SH3RF1: variants seen among roughly 807,000 people sequenced by gnomAD.
The protein encoded by SH3RF1 is E3 ubiquitin-protein ligase SH3RF1.
A neutral mutation model predicts 74.0 loss-of-function variants in SH3RF1; 32 were observed. That is an observed-to-expected ratio of 0.43 (90% CI 0.33 to 0.58). The LOEUF (loss-of-function observed/expected upper bound fraction) is 0.58. SH3RF1 is among the 20% of genes least tolerant of loss of function. The pLI is 0.05. For missense variants in SH3RF1, 954 were observed against 1,130.9 expected (o/e 0.84, Z 2.24); for synonymous variants, 396 against 439.6 (o/e 0.90, Z 1.24).
intron 11 of SH3RF1, among the ~76,000 whole-genome samples, chr4:169,106,057 G>A (rs1345086446): frequency 6.6e-6 from 1 of 151,360 alleles, no homozygotes; most frequent in Non-Finnish European, 1.5e-5. Flanking sequence ...GTATATATAT[G>A]TAATGTAAAA....
At position 169,225,732 on chromosome 4, in the gene SH3RF1, T is replaced by C. The variant is rs1561057932; in HGVS notation, c.393+43088A>G. Among the ~76,000 whole-genome samples the C allele has an allele frequency of 2.0e-5, 3 of 152,190 alleles. No individual in the cohort carries two copies. In the South Asian group the frequency reaches 6.2e-4, roughly 32 times the overall value. The stretch of plus-strand genomic sequence containing the variant: ...GAAAGTGATAAAAGTGATGGTAGCT[T>C]GAAGGAGTAGCAGAGTTGAGGGTAG... On this transcript the variant is annotated intron_variant, in intron 2 of 11. Transcript: ENST00000284637.
intron 6 of SH3RF1, among the ~76,000 whole-genome samples, chr4:169,123,761 G>A (rs1415791559): frequency 2.0e-5 from 3 of 152,072 alleles, no homozygotes; most frequent in African/African-American, 7.2e-5. Context: ...GTGTGATGGC[G>A]GGTGCCAGTA....
intron 7 of SH3RF1, among the ~76,000 whole-genome samples, chr4:169,121,683 T>G (rs1264018132): frequency 6.6e-6 from 1 of 152,216 alleles, no homozygotes; most frequent in Non-Finnish European, 1.5e-5. Flanking sequence ...CTGGCTGTAT[T>G]CTGCCATAAA....
chr4:169,250,812 C>CTT (rs145779154), intron 2 of SH3RF1, among the ~76,000 whole-genome samples: 4 of 152,088 alleles, frequency 2.6e-5, no homozygotes, highest in East Asian at 1.9e-4. Flanking sequence ...AGGGGTGGGG[C>CTT]TTTTTTGGAT....
In SH3RF1 at chr4:169,269,238, T is replaced by A. The variant is rs750995291; in HGVS notation, c.-26A>T. ...CTTTATCTACTTTACTGAGAAAAAATCTTCAGAAATGTTCATAGTTGTGTG... is the reference window on the plus strand; with the variant it reads ...CTTTATCTACTTTACTGAGAAAAAAACTTCAGAAATGTTCATAGTTGTGTG... On this transcript the variant is annotated 5_prime_UTR_variant, in exon 2 of 12. Coordinates refer to ENST00000284637, the MANE Select transcript of SH3RF1 (RefSeq NM_020870.4). The A allele has an allele frequency of 5.2e-6, 8 of 1,531,574 alleles. No homozygotes were observed. Among genetic ancestry groups the A allele is most frequent in the Non-Finnish European group, 2.6e-6 (3 of 1,146,992 alleles). 94.9% of individuals were successfully genotyped at this position (1,531,574 alleles called of 1,614,324 possible).
At chr4:169,217,632 A>G (rs1248519339) in intron 2 of SH3RF1, among the ~76,000 whole-genome samples, 1 of 152,164 alleles carries the variant, frequency 6.6e-6, no homozygotes, top group Non-Finnish European at 1.5e-5. Context: ...AAGGCAAAGG[A>G]CTACAAGGTC....
chr4:169,127,971 A>C (rs2126949840), intron 6 of SH3RF1, among the ~76,000 whole-genome samples: 1 of 152,284 alleles, frequency 6.6e-6, no homozygotes, highest in South Asian at 2.1e-4. Context: ...AAAAATCTGA[A>C]ATCCGAAATG....
chr4:169,264,886 G>T (rs1731329064), intron 2 of SH3RF1, among the ~76,000 whole-genome samples: 1 of 152,114 alleles, frequency 6.6e-6, no homozygotes, highest in African/African-American at 2.4e-5. Flanking sequence ...ATCCCTTCCT[G>T]TTTAGGTCAG....
chr4:169,099,457 C>T (rs979972191), intron 11 of SH3RF1, among the ~76,000 whole-genome samples: 2 of 152,174 alleles, frequency 1.3e-5, no homozygotes, highest in Non-Finnish European at 2.9e-5. Flanking sequence ...ATCCAGATGA[C>T]ATTTCTCAAG....
chr4:169,228,987 C>T (rs984465451), intron 2 of SH3RF1, among the ~76,000 whole-genome samples: 14 of 151,966 alleles, frequency 9.2e-5, no homozygotes, highest in African/African-American at 3.4e-4. Context: ...CAGATGGTTC[C>T]AAGAGTGCAA....
chr4:169,101,377 T>C (rs1733028993), intron 11 of SH3RF1, among the ~76,000 whole-genome samples: 1 of 152,128 alleles, frequency 6.6e-6, no homozygotes, highest in Non-Finnish European at 1.5e-5. Flanking sequence ...AGGAAGACTA[T>C]TGCATGATTC....
intron 4 of SH3RF1, among the ~76,000 whole-genome samples, chr4:169,138,507 C>A (rs1166445997): frequency 1.3e-5 from 2 of 152,204 alleles, no homozygotes; most frequent in Non-Finnish European, 2.9e-5. Flanking sequence ...AAGTGCAAAC[C>A]TAATCAGTGT....
intron 2 of SH3RF1, among the ~76,000 whole-genome samples, chr4:169,242,882 A>G (rs943290755): frequency 6.6e-6 from 1 of 152,196 alleles, no homozygotes; most frequent in Admixed American, 6.5e-5. Flanking sequence ...TGAGCCAAAT[A>G]CATTTCTATC....
At chr4:169,164,335 A>G (rs72706464) in intron 2 of SH3RF1, among the ~76,000 whole-genome samples, 12,065 of 152,276 alleles carry the variant, frequency 0.079, 737 homozygotes, top group East Asian at 0.18. Context: ...TTAAGTGGAA[A>G]AAGAACACAT....
intron 2 of SH3RF1, among the ~76,000 whole-genome samples, chr4:169,234,056 C>T (rs1258192474): frequency 4.6e-5 from 7 of 152,070 alleles, no homozygotes; most frequent in Admixed American, 4.6e-4. Flanking sequence ...TCTGTTAACT[C>T]TCAGTCTCTG....
chr4:169,264,835 T>C (rs562858126), intron 2 of SH3RF1, among the ~76,000 whole-genome samples: 1 of 152,346 alleles, frequency 6.6e-6, no homozygotes, highest in Admixed American at 6.5e-5. Context: ...GTGGCTTGCC[T>C]AGTTCACACT....
intron 2 of SH3RF1, among the ~76,000 whole-genome samples, chr4:169,159,200 CACATT>C (rs1255116574): frequency 7.9e-5 from 12 of 152,112 alleles, no homozygotes; most frequent in African/African-American, 2.7e-4. Context: ...GTACTCTGGT[CACATT>C]ACATTAGTGT....
intron 5 of SH3RF1, among the ~76,000 whole-genome samples, chr4:169,131,829 A>C (rs961516194): frequency 6.6e-6 from 1 of 152,168 alleles, no homozygotes; most frequent in African/African-American, 2.4e-5. Context: ...TCAACCATTG[A>C]TTGTGGGCCA....
chr4:169,234,553 G>T (rs1730796994), intron 2 of SH3RF1, among the ~76,000 whole-genome samples: 1 of 152,156 alleles, frequency 6.6e-6, no homozygotes, highest in African/African-American at 2.4e-5. Flanking sequence ...GCTTTCATGG[G>T]TGAGAATTAA....
Sources: allele counts gnomAD v4.1 joint callset (sites outside exome capture counted in the v4.1 genomes callset), GRCh38; gene constraint gnomAD v4.1.1; transcripts MANE v1.5; gene names NCBI Gene and HGNC (gene_info 2026-07-23, HGNC 2026-07-21).